Variants in THADA observed in about 807,000 individuals in gnomAD.
The protein encoded by THADA is THADA armadillo repeat containing, also known as tRNA (32-2'-O)-methyltransferase regulator THADA.
A neutral mutation model predicts 219.8 loss-of-function variants in THADA; 213 were observed. The observed-to-expected ratio is 0.97, with a 90% confidence interval of 0.87 to 1.09. THADA has a LOEUF of 1.09. Among genes scored for constraint, THADA ranks in the 50% least tolerant of loss-of-function variants. The pLI, the probability that THADA is intolerant of heterozygous loss-of-function variation, is 0.00. For missense variants in THADA, 2,956 were observed against 2,311.3 expected (o/e 1.28, Z -5.72); for synonymous variants, 1,018 against 828.9 (o/e 1.23, Z -3.92).
chr2:43,421,999 G>A (rs1677777237), intron 28 of THADA, among the ~76,000 whole-genome samples: 2 of 152,190 alleles, frequency 1.3e-5, no homozygotes, highest in African/African-American at 4.8e-5. Context: ...AGAATCCACA[G>A]CTGAGTTGTT....
chr2:43,572,900 C>A lies in THADA; in HGVS notation c.1822G>T (p.Gly608Ter). Residue 608 changes from glycine to a stop codon, truncating the protein, a stop_gained, in exon 12 of 38, where the codon GGA (glycine) becomes TGA (stop). Transcript: ENST00000405975. LOFTEE classifies it high-confidence loss of function. ...MACLRIARAHGHLQSATDTWE... is the reference protein window; with the variant it reads ...MACLRIARAH ...GTATCAGTTGCAGACTGAAGATGTC[C>A]ATGAGCTCTAGCTATTCGCAGACAT... 1 of 1,613,936 alleles carries A rather than the reference C, an allele frequency of 6.2e-7. No individual in the cohort carries two copies. The highest frequency in any genetic ancestry group is 8.5e-7 in the Non-Finnish European group (1 of 1,179,870).
chr2:43,330,990 G>C (rs1344825004), intron 30 of THADA, among the ~76,000 whole-genome samples: 4 of 152,190 alleles, frequency 2.6e-5, no homozygotes, highest in African/African-American at 7.2e-5. Flanking sequence ...GCTTAGATTA[G>C]ATCACTGTTT....
intron 30 of THADA, among the ~76,000 whole-genome samples, chr2:43,326,286 G>C (rs1022449687): frequency 4.6e-5 from 7 of 152,116 alleles, no homozygotes; most frequent in Non-Finnish European, 8.8e-5. Flanking sequence ...CTGTTTGTCT[G>C]GGTGAGTCAG....
intron 26 of THADA, chr2:43,484,428 G>GA (rs1686634349): frequency 5.9e-6 from 1 of 169,112 alleles, no homozygotes; most frequent in African/African-American, 2.4e-5. Context: ...ATCCTCAAGA[G>GA]AAAGACCACT....
chr2:43,540,295 C>A (rs559250963), intron 21 of THADA, among the ~76,000 whole-genome samples: 2 of 152,274 alleles, frequency 1.3e-5, no homozygotes, highest in African/African-American at 4.8e-5. Context: ...CAAGGCCTTG[C>A]AACATCACAA....
chr2:43,394,688 G>A (rs1673812426), intron 29 of THADA, among the ~76,000 whole-genome samples: 1 of 152,158 alleles, frequency 6.6e-6, no homozygotes, highest in Non-Finnish European at 1.5e-5. Flanking sequence ...TCCCCATAAA[G>A]AACCACAGGA....
At chr2:43,448,338 A>G (rs957827283) in intron 26 of THADA, among the ~76,000 whole-genome samples, 4 of 152,210 alleles carry the variant, frequency 2.6e-5, no homozygotes, top group Non-Finnish European at 5.9e-5. Flanking sequence ...AACTATGCAC[A>G]TGCTCCAGGA....
intron 26 of THADA, among the ~76,000 whole-genome samples, chr2:43,474,995 A>G (rs567868283): frequency 1.3e-5 from 2 of 152,338 alleles, no homozygotes; most frequent in African/African-American, 4.8e-5. Flanking sequence ...GAGGACAGAA[A>G]AGAAAGAAAC....
chr2:43,447,113 T>A (rs537805006), intron 26 of THADA, among the ~76,000 whole-genome samples: 1 of 152,114 alleles, frequency 6.6e-6, no homozygotes, highest in Non-Finnish European at 1.5e-5. Context: ...GGAAGACACC[T>A]CTTCACAGGG....
At chr2:43,585,057 C>G (rs1700863649) in intron 7 of THADA, among the ~76,000 whole-genome samples, 2 of 152,100 alleles carry the variant, frequency 1.3e-5, no homozygotes, top group Admixed American at 1.3e-4. Flanking sequence ...AATCCAGTAC[C>G]TAAGCAAAAA....
intron 26 of THADA, among the ~76,000 whole-genome samples, chr2:43,441,792 G>C (rs1402451889): frequency 1.3e-5 from 2 of 152,180 alleles, no homozygotes; most frequent in African/African-American, 4.8e-5. Context: ...GGTCATATTT[G>C]AATCTCCCTG....
chr2:43,515,359 AATATATAATATATAATATATAATATTTT>A (rs1558893173), intron 22 of THADA, among the ~76,000 whole-genome samples: 5 of 43,536 alleles, frequency 1.1e-4, no homozygotes, highest in African/African-American at 6.9e-4. Flanking sequence ...TTTTATATAT[AATATATAATATATAATATATAATATTTT>A]ATATATAATA....
chr2:43,491,104 A>G (rs1687580117), intron 25 of THADA, among the ~76,000 whole-genome samples: 1 of 152,134 alleles, frequency 6.6e-6, no homozygotes. Context: ...ATTGCTTTGT[A>G]TGTTTTACTA....
At chr2:43,291,792 A>G (rs1572938947) in intron 33 of THADA, 24 bp from the exon 34 acceptor site, 1 of 1,529,516 alleles carries the variant, frequency 6.5e-7, no homozygotes, top group East Asian at 2.5e-5. Context: ...CAAACAAAAA[A>G]ACAACACAAA....
chr2:43,559,139 G>T (rs1378409371), intron 16 of THADA, among the ~76,000 whole-genome samples: 1 of 152,178 alleles, frequency 6.6e-6, no homozygotes, highest in Admixed American at 6.5e-5. Context: ...GTGAGGAGTG[G>T]CAGACAGAGG....
chr2:43,343,804 G>A (rs1667324148), intron 30 of THADA: 3 of 232,968 alleles, frequency 1.3e-5, no homozygotes, highest in Admixed American at 9.9e-5. Flanking sequence ...ACATGATTTA[G>A]TCAATTACTG....
chr2:43,520,829 T>C (rs1692335280), intron 22 of THADA, among the ~76,000 whole-genome samples: 1 of 151,572 alleles, frequency 6.6e-6, no homozygotes, highest in Non-Finnish European at 1.5e-5. Context: ...CTCAGTCTTT[T>C]ATATCCAAAA....
At chr2:43,286,162 T>C (rs926552633) in intron 35 of THADA, among the ~76,000 whole-genome samples, 1 of 152,158 alleles carries the variant, frequency 6.6e-6, no homozygotes, top group African/African-American at 2.4e-5. Flanking sequence ...TAGAAGTCAG[T>C]CAAGCAGTGG....
intron 3 of THADA, 71 bp downstream of exon 3, chr2:43,591,881 G>C: frequency 9.4e-7 from 1 of 1,065,000 alleles, no homozygotes; most frequent in Non-Finnish European, 1.3e-6. Flanking sequence ...AAAACTGTCA[G>C]TGATTTTTTT....
Sources: allele counts gnomAD v4.1 joint callset (sites outside exome capture counted in the v4.1 genomes callset), GRCh38; gene constraint gnomAD v4.1.1; transcripts MANE v1.5; gene names NCBI Gene and HGNC (gene_info 2026-07-23, HGNC 2026-07-21).